SMYD3: variants seen among roughly 807,000 people sequenced by gnomAD.
The protein encoded by SMYD3 is SET and MYND domain containing 3.
In SMYD3, 36 loss-of-function variants were observed where a neutral mutation model predicts 57.7. The observed-to-expected ratio is 0.62, with a 90% CI of 0.48 to 0.82. SMYD3 has a LOEUF of 0.82. SMYD3 is among the 40% of genes least tolerant of loss of function. SMYD3 has a pLI of 0.00. For missense variants in SMYD3, 515 were observed against 538.8 expected (o/e 0.96, Z 0.44); for synonymous variants, 211 against 195.0 (o/e 1.08, Z -0.68).
At chr1:246,180,759 CAAAAAAAAAAAAAAAAAAAAAA>C (rs61346746) in intron 5 of SMYD3, among the ~76,000 whole-genome samples, 23 of 29,244 alleles carry the variant, frequency 7.9e-4, no homozygotes, top group South Asian at 2.7e-3. Context: ...GACTCTGTCT[CAAAAAAAAAAAAAAAAAAAAAA>C]AAAAAAAAAA....
chr1:246,084,013 T>C (rs544099782), intron 5 of SMYD3, among the ~76,000 whole-genome samples: 18 of 152,276 alleles, frequency 1.2e-4, no homozygotes, highest in African/African-American at 4.3e-4. Flanking sequence ...CAAGGATTTT[T>C]TTTTAATACT....
At chr1:245,776,358 T>C (rs1223157826) in intron 10 of SMYD3, among the ~76,000 whole-genome samples, 2 of 152,000 alleles carry the variant, frequency 1.3e-5, no homozygotes, top group African/African-American at 2.4e-5. Flanking sequence ...GAAAGGAGCA[T>C]TGTCGTTAAA....
intron 8 of SMYD3, among the ~76,000 whole-genome samples, chr1:245,879,210 C>A (rs191734147): frequency 6.6e-6 from 1 of 152,212 alleles, no homozygotes; most frequent in African/African-American, 2.4e-5. Context: ...ACAAGGTTCA[C>A]GTTCTAGAAC....
At chr1:245,816,791 G>A (rs943395429) in intron 10 of SMYD3, among the ~76,000 whole-genome samples, 3 of 152,110 alleles carry the variant, frequency 2.0e-5, no homozygotes, top group East Asian at 1.9e-4. Context: ...GGTGACGGAC[G>A]CACCTGGAAA....
chr1:246,413,108 A>T (rs1044888242), intron 1 of SMYD3, among the ~76,000 whole-genome samples: 29 of 152,180 alleles, frequency 1.9e-4, no homozygotes, highest in Non-Finnish European at 3.4e-4. Context: ...ACATCATGCT[A>T]CCACTCTACA....
In SMYD3 at chr1:245,880,840, A is replaced by G. The variant is rs76513676; in HGVS notation, c.814-16954T>C. ...AGAACTAAGACCCTGATGTAAGTGG[A>G]AAGAGGCAGCTTTTAGTTCATGAGA... On this transcript the variant is annotated intron_variant, in intron 8 of 11. Transcript: ENST00000490107. Among the ~76,000 whole-genome samples, 475 of 152,344 alleles carry G rather than the reference A, an allele frequency of 3.1e-3. 13 individuals are homozygous for G. Among genetic ancestry groups the G allele is most frequent in the Admixed American group, 0.022 (343 of 15,310 alleles).
chr1:245,900,134 C>G (rs529696792), intron 8 of SMYD3, among the ~76,000 whole-genome samples: 1 of 152,082 alleles, frequency 6.6e-6, no homozygotes, highest in Non-Finnish European at 1.5e-5. Context: ...TAATATTAAA[C>G]GAATCTTTAG....
intron 5 of SMYD3, among the ~76,000 whole-genome samples, chr1:246,184,708 C>G (rs1250792296): frequency 6.6e-6 from 1 of 152,164 alleles, no homozygotes; most frequent in Admixed American, 6.5e-5. Context: ...CATTGACCTG[C>G]TCCCTTCCTC....
intron 5 of SMYD3, among the ~76,000 whole-genome samples, chr1:245,984,159 C>T (rs2058656703): frequency 1.3e-5 from 2 of 152,038 alleles, no homozygotes; most frequent in Non-Finnish European, 2.9e-5. Context: ...GCCACCACGC[C>T]CGGGTAATTT....
intron 10 of SMYD3, among the ~76,000 whole-genome samples, chr1:245,803,666 A>T (rs142578764): frequency 7.2e-5 from 11 of 152,242 alleles, no homozygotes; most frequent in Non-Finnish European, 1.5e-4. Context: ...TACTAGAATT[A>T]GGTGGGAATT....
chr1:246,479,502 A>ATTTT lies in SMYD3; in HGVS notation c.164+27548_164+27551dup, dbSNP rs35818746. Among the ~76,000 whole-genome samples, 532 of 107,554 alleles carry ATTTT rather than the reference A, an allele frequency of 4.9e-3. 14 individuals are homozygous for ATTTT. Among genetic ancestry groups the ATTTT allele is most frequent in the Middle Eastern group, 0.013 (2 of 150 alleles). 70.6% of individuals were successfully genotyped at this position (107,554 alleles called of 152,430 possible). On this transcript the variant is annotated intron_variant, in intron 1 of 11. Coordinates refer to ENST00000490107, the MANE Select transcript of SMYD3 (RefSeq NM_001167740.2). ...TGTTTGGCATGTGTCAAAAAGCGGG[A>ATTTT]TTTTTTTTTTTTTTTTTTTTTTTGA... is the stretch of plus-strand genomic sequence containing the variant.
chr1:246,144,692 T>C (rs1046510029), intron 5 of SMYD3, among the ~76,000 whole-genome samples: 1 of 152,216 alleles, frequency 6.6e-6, no homozygotes, highest in Non-Finnish European at 1.5e-5. Context: ...TTCTTTTTAA[T>C]TGGAATCATT....
chr1:246,426,787 G>A (rs1024869994), intron 1 of SMYD3, among the ~76,000 whole-genome samples: 1 of 152,096 alleles, frequency 6.6e-6, no homozygotes, highest in East Asian at 1.9e-4. Flanking sequence ...TTAACTCTGA[G>A]AGGAAAATCA....
chr1:245,806,632 C>T (rs180891450), intron 10 of SMYD3, among the ~76,000 whole-genome samples: 43 of 152,160 alleles, frequency 2.8e-4, no homozygotes, highest in East Asian at 1.4e-3. Context: ...GGGAGAAGGC[C>T]GGGCGCGGTG....
At chr1:245,867,434 C>T (rs2051919633) in intron 8 of SMYD3, among the ~76,000 whole-genome samples, 1 of 152,244 alleles carries the variant, frequency 6.6e-6, no homozygotes, top group African/African-American at 2.4e-5. Context: ...AACATACCTT[C>T]TGCTCCTCTG....
Position 246,507,140 on chromosome 1 carries a change from G to C in SMYD3, c.78C>G (p.Pro26=), listed in dbSNP as rs779857599. The change falls in exon 1 of 12, where the codon CCC becomes CCG. Residue 26 remains proline (P), a synonymous_variant. Coordinates refer to ENST00000490107, the MANE Select transcript of SMYD3 (RefSeq NM_001167740.2). The part of the protein sequence containing the change: ...NGLRAVTPLR[P]GELLFRSDPL... Reference sequence around the variant, plus strand: ...GATCCGAGCGGAAGAGTAGCTCTCCGGGGCGCAGCGGGGTCACGGCGCGCA... The same window carrying C: ...GATCCGAGCGGAAGAGTAGCTCTCCCGGGCGCAGCGGGGTCACGGCGCGCA... The C allele has an allele frequency of 1.1e-4, 163 of 1,533,788 alleles. No individual in the cohort carries two copies. Among genetic ancestry groups the C allele is most frequent in the Non-Finnish European group, 1.4e-4 (161 of 1,140,364 alleles).
chr1:246,140,313 C>T (rs1469245935), intron 5 of SMYD3, among the ~76,000 whole-genome samples: 3 of 152,182 alleles, frequency 2.0e-5, no homozygotes, highest in Admixed American at 2.0e-4. Flanking sequence ...CCTATTTCCT[C>T]CTCTGGAAAA....
chr1:245,934,422 G>A (rs901576756), intron 5 of SMYD3, among the ~76,000 whole-genome samples: 4 of 152,212 alleles, frequency 2.6e-5, no homozygotes, highest in Admixed American at 6.5e-5. Context: ...AATATGACAG[G>A]TTATTAAGTA....
At chr1:246,494,276 C>G (rs2068322923) in intron 1 of SMYD3, among the ~76,000 whole-genome samples, 1 of 152,230 alleles carries the variant, frequency 6.6e-6, no homozygotes, top group Admixed American at 6.5e-5. Flanking sequence ...TCATAATGGT[C>G]TACTAAACAA....
Sources: gnomAD v4.1 joint callset for allele counts (sites outside exome capture counted in the v4.1 genomes callset) on GRCh38, gnomAD v4.1.1 for gene constraint, MANE v1.5 for transcripts, NCBI Gene and HGNC (gene_info 2026-07-23, HGNC 2026-07-21) for gene names.